SAMD7: variants seen among roughly 807,000 people sequenced by gnomAD.
SAMD7 encodes sterile alpha motif domain containing 7.
A neutral mutation model predicts 36.7 loss-of-function variants in SAMD7; 34 were observed. That is an observed-to-expected ratio of 0.93 (90% CI 0.71 to 1.23). The LOEUF is 1.23. SAMD7 is among the 50% of genes most tolerant of loss of function. SAMD7 has a pLI of 0.00. For synonymous variants in SAMD7, 188 were observed against 189.7 expected (o/e 0.99, Z 0.07); for missense variants, 570 against 546.6 (o/e 1.04, Z -0.43).
intron 1 of SAMD7, among the ~76,000 whole-genome samples, chr3:169,913,499 G>A (rs553592102): frequency 2.5e-4 from 38 of 152,258 alleles, no homozygotes; most frequent in African/African-American, 9.1e-4. Flanking sequence ...AATCATCTAT[G>A]TGCTGCCTGG....
intron 7 of SAMD7, among the ~76,000 whole-genome samples, chr3:169,930,872 C>T (rs929112232): frequency 1.8e-4 from 27 of 152,058 alleles, no homozygotes; most frequent in Admixed American, 5.2e-4. Flanking sequence ...TGAGCCACCG[C>T]GCCCAGCCCC....
chr3:169,922,828 C>T (rs985044758), intron 4 of SAMD7, among the ~76,000 whole-genome samples: 15 of 143,304 alleles, frequency 1.0e-4, no homozygotes, highest in South Asian at 2.2e-4. Context: ...GTCAGATTTA[C>T]GATCATTTTA....
intron 7 of SAMD7, among the ~76,000 whole-genome samples, chr3:169,935,907 C>T (rs185270778): frequency 2.2e-3 from 332 of 152,322 alleles, no homozygotes; most frequent in Non-Finnish European, 3.7e-3. Flanking sequence ...CCAGCAGATA[C>T]CACATCTGTA....
In SAMD7 at chr3:169,925,096, G is replaced by A; in HGVS notation, c.250G>A (p.Ala84Thr). The change falls in exon 5 of 9, where the codon GCC becomes ACC. Residue 84 changes from alanine to threonine, a missense_variant. By Grantham distance (58) the Ala-to-Thr change is moderately conservative. Transcript: ENST00000335556. ...ILPPESIKAV[A>T]RRNEMIQRHH... Reference sequence around the variant, plus strand: ...ACCACCTGAATCCATAAAGGCAGTGGCCAGAAGGAATGAAATGATTCAACG... The same window carrying A: ...ACCACCTGAATCCATAAAGGCAGTGACCAGAAGGAATGAAATGATTCAACG... The A allele has an allele frequency of 1.2e-6, 2 of 1,611,768 alleles. No individual in the cohort carries two copies. Among genetic ancestry groups the A allele is most frequent in the Admixed American group, 1.7e-5 (1 of 59,802 alleles).
chr3:169,926,590 A>G lies in SAMD7; in HGVS notation c.328A>G (p.Arg110Gly). Residue 110 changes from arginine (R) to glycine (G), a missense_variant, in exon 6 of 9, where the codon AGA becomes GGA. Arg to Gly is a moderately radical substitution (Grantham distance 125). Transcript: ENST00000335556. The part of the protein sequence containing the change: ...MEMYAIYQQR[R>G]MEKINPKGLA... The stretch of plus-strand genomic sequence containing the variant: ...AATGTATGCTATTTACCAGCAAAGG[A>G]GAATGGAAAAAATTAATCCCAAGGG... 2 of 1,612,886 alleles carry G rather than the reference A, an allele frequency of 1.2e-6. No homozygotes were observed. The highest frequency in any genetic ancestry group is 1.7e-6 in the Non-Finnish European group (2 of 1,179,292).
In SAMD7 at chr3:169,927,200, A is replaced by G; in HGVS notation, c.919+19A>G. The G allele has an allele frequency of 6.6e-7, 1 of 1,512,726 alleles. No homozygotes were observed. Among genetic ancestry groups the G allele is most frequent in the East Asian group, 2.3e-5 (1 of 44,020 alleles). 93.7% of individuals were successfully genotyped at this position (1,512,726 alleles called of 1,614,324 possible). A position where few individuals can be genotyped will look rare whatever the true frequency, so the allele number is the denominator to read the frequency against. ...CTGCCAGGTGGGTGTCCAGGGGCCA[A>G]TGGCAGATCCTCATTAACTACAGGT... On this transcript the variant is annotated intron_variant, in intron 6 of 8. Coordinates refer to ENST00000335556, the MANE Select transcript of SAMD7 (RefSeq NM_001304366.2).
intron 6 of SAMD7, 141 bp downstream of exon 6, chr3:169,927,322 T>C: frequency 1.6e-6 from 1 of 611,246 alleles, no homozygotes; most frequent in Non-Finnish European, 2.3e-6. Context: ...TGAGACGGAG[T>C]CCCGCTCAGT....
chr3:169,932,234 T>TGTACTGTGAAGAGACACCAGAGC (rs1713525931), intron 7 of SAMD7: 1 of 849,234 alleles, frequency 1.2e-6, no homozygotes, highest in Non-Finnish European at 2.0e-6. Context: ...CCCCAGGAAG[T>TGTACTGTGAAGAGACACCAGAGC]GTACTGTGAA....
Position 169,926,976 on chromosome 3 carries a change from T to A in SAMD7, c.714T>A (p.Ser238Arg). Residue 238 changes from serine to arginine, a missense_variant, in exon 6 of 9, where the codon AGT (serine) becomes AGA (arginine). Coordinates refer to ENST00000335556, the MANE Select transcript of SAMD7 (RefSeq NM_001304366.2). ...AAGCACCCAGCAACCAGAAGTCAAG[T>A]GAAACGAATGAAAAGCCAACGACAG... is the stretch of plus-strand genomic sequence containing the variant. ...DIEAPSNQKS[S>R]ETNEKPTTAL... 6.2e-7 allele frequency: 1 copy of A among 1,613,788 alleles called. No homozygotes were observed. The highest frequency in any genetic ancestry group is 8.5e-7 in the Non-Finnish European group (1 of 1,179,966).
chr3:169,936,286 C>G (rs955735105), intron 7 of SAMD7, 53 bp from the exon 8 acceptor site: 31 of 1,200,462 alleles, frequency 2.6e-5, no homozygotes, highest in Non-Finnish European at 3.7e-5. Flanking sequence ...GGTAAAAGAA[C>G]TTTTTCAAAA....
intron 5 of SAMD7, chr3:169,926,301 C>T: frequency 1.4e-6 from 2 of 1,391,098 alleles, no homozygotes; most frequent in Non-Finnish European, 1.9e-6. Flanking sequence ...CCCATCCCTG[C>T]TAAATTTGCC....
chr3:169,919,773 C>T (rs1432305054), intron 3 of SAMD7, among the ~76,000 whole-genome samples, 189 bp downstream of exon 3: 3 of 152,226 alleles, frequency 2.0e-5, no homozygotes, highest in Non-Finnish European at 4.4e-5. Flanking sequence ...TCCTCTGAGA[C>T]CTGCTTGACC....
intron 1 of SAMD7, 98 bp from the exon 2 acceptor site, chr3:169,915,269 T>C (rs1301701281): frequency 6.6e-6 from 1 of 152,376 alleles, no homozygotes; most frequent in African/African-American, 2.4e-5. Context: ...TCAGCCTTTC[T>C]TGACTTTTCC....
intron 7 of SAMD7, chr3:169,933,013 T>G: frequency 1.3e-6 from 1 of 757,406 alleles, no homozygotes; most frequent in Non-Finnish European, 2.4e-6. Flanking sequence ...ATCACTCAGG[T>G]GTCTACCTGG....
intron 7 of SAMD7, chr3:169,933,371 C>G (rs559264234): frequency 3.3e-6 from 1 of 303,870 alleles, no homozygotes; most frequent in South Asian, 4.5e-5. Context: ...CCTTGGATGT[C>G]TTTGGTGTTT....
intron 7 of SAMD7, chr3:169,932,668 C>G: frequency 1.8e-6 from 1 of 555,434 alleles, no homozygotes; most frequent in South Asian, 1.4e-5. Flanking sequence ...AAAAATCTGT[C>G]ACACTTTGGC....
chr3:169,932,492 C>T (rs567856301), intron 7 of SAMD7: 1 of 583,920 alleles, frequency 1.7e-6, no homozygotes, highest in South Asian at 1.4e-5. Flanking sequence ...TCCCAGAGCC[C>T]TGCTGATGGT....
At chr3:169,930,932 C>T (rs75828729) in intron 7 of SAMD7, among the ~76,000 whole-genome samples, 3,344 of 152,122 alleles carry the variant, frequency 0.022, 85 homozygotes, top group East Asian at 0.13. Context: ...GATTAGCTGG[C>T]GTTAAACCTA....
chr3:169,932,056 A>G (rs1026440502), intron 7 of SAMD7: 10 of 593,054 alleles, frequency 1.7e-5, no homozygotes, highest in African/African-American at 5.8e-5. Context: ...ATCTTCACCA[A>G]AGTTTTCCTG....
Sources: allele counts gnomAD v4.1 joint callset (sites outside exome capture counted in the v4.1 genomes callset), GRCh38; gene constraint gnomAD v4.1.1; transcripts MANE v1.5; gene names NCBI Gene and HGNC (gene_info 2026-07-23, HGNC 2026-07-21).